The following DNAI2 variants were observed in gnomAD, a reference collection of about 807,000 sequenced individuals.
The protein encoded by DNAI2 is dynein, axonemal, intermediate polypeptide 2.
A neutral mutation model predicts 74.7 loss-of-function variants in DNAI2; 63 were observed. The observed-to-expected ratio is 0.84, with a 90% CI of 0.69 to 1.04. The LOEUF (loss-of-function observed/expected upper bound fraction) is 1.04, where lower values mean the gene tolerates loss of function less well. Ranked by LOEUF, DNAI2 falls within the 50% of genes least tolerant of loss-of-function variation. The pLI, the probability that DNAI2 is intolerant of heterozygous loss-of-function variation, is 0.00. For synonymous variants in DNAI2, 289 were observed against 314.9 expected (o/e 0.92, Z 0.87); for missense variants, 688 against 803.2 (o/e 0.86, Z 1.73).
At chr17:74,303,064 G>T (rs2052954869) in intron 8 of DNAI2, among the ~76,000 whole-genome samples, 1 of 152,218 alleles carries the variant, frequency 6.6e-6, no homozygotes, top group African/African-American at 2.4e-5. Flanking sequence ...CCCTTGCAGG[G>T]TGCACACTGT....
chr17:74,283,863 C>T (rs959747527), intron 2 of DNAI2, among the ~76,000 whole-genome samples: 2 of 151,970 alleles, frequency 1.3e-5, no homozygotes, highest in African/African-American at 2.4e-5. Flanking sequence ...ACTGGCCGGG[C>T]GCAGTGGCTC....
chr17:74,306,706 C>A (rs2053207883), intron 9 of DNAI2, among the ~76,000 whole-genome samples: 1 of 152,240 alleles, frequency 6.6e-6, no homozygotes, highest in Non-Finnish European at 1.5e-5. Context: ...CAACCTCCAC[C>A]TCCCGAGTTC....
At chr17:74,301,441 A>G (rs540926157) in intron 8 of DNAI2, among the ~76,000 whole-genome samples, 1 of 152,336 alleles carries the variant, frequency 6.6e-6, no homozygotes, top group East Asian at 1.9e-4. Flanking sequence ...ATCTTTTGAC[A>G]GAACAATTCC....
intron 6 of DNAI2, among the ~76,000 whole-genome samples, chr17:74,292,729 AATTT>A (rs1341701198): frequency 6.6e-6 from 1 of 151,060 alleles, no homozygotes; most frequent in Non-Finnish European, 1.5e-5. Flanking sequence ...AGTCTTTTAA[AATTT>A]ATTGAGACTT....
At chr17:74,295,478 G>A (rs915998841) in intron 6 of DNAI2, among the ~76,000 whole-genome samples, 2 of 152,104 alleles carry the variant, frequency 1.3e-5, no homozygotes, top group African/African-American at 4.8e-5. Context: ...CTTTTCTTTA[G>A]TTCTTTTGAT....
intron 6 of DNAI2, among the ~76,000 whole-genome samples, chr17:74,296,323 G>GAGAGAGAGAGAGGAGAGAC (rs1458724897): frequency 2.6e-5 from 2 of 76,376 alleles, no homozygotes; most frequent in Non-Finnish European, 8.5e-5. Flanking sequence ...GAGAGAGAGA[G>GAGAGAGAGAGAGGAGAGAC]AGAGAGAGAG....
intron 6 of DNAI2, among the ~76,000 whole-genome samples, chr17:74,294,331 A>G (rs527596155): frequency 7.0e-6 from 1 of 142,306 alleles, no homozygotes; most frequent in Non-Finnish European, 1.5e-5. Context: ...TTTTTTAGAG[A>G]CAAGGTCTCA....
At chr17:74,297,213 G>A (rs1338310157) in intron 6 of DNAI2, among the ~76,000 whole-genome samples, 2 of 151,848 alleles carry the variant, frequency 1.3e-5, no homozygotes, top group Non-Finnish European at 2.9e-5. Context: ...AGCCTCCCGA[G>A]TAGCTGGGAC....
At chr17:74,285,392 G>C (rs2051657258) in intron 3 of DNAI2, among the ~76,000 whole-genome samples, 191 bp downstream of exon 3, 1 of 152,128 alleles carries the variant, frequency 6.6e-6, no homozygotes, top group Non-Finnish European at 1.5e-5. Context: ...AGACCAACAG[G>C]GAAGGCAGGG....
Position 74,309,152 on chromosome 17 carries a change from G to A in DNAI2, c.1212-101G>A, listed in dbSNP as rs1476048797. ...GACACAAGGAAGAACTTCCTACCTA[G>A]CAAGACTCTGAGATCCTGGAGCCCA... On this transcript the variant is annotated intron_variant, in intron 9 of 13. Transcript: ENST00000311014. The A allele has an allele frequency of 1.0e-5, 14 of 1,350,332 alleles. No homozygotes were observed. In the East Asian group the frequency reaches 3.4e-4, roughly 33 times the overall value. 83.6% of individuals were successfully genotyped at this position (1,350,332 alleles called of 1,614,324 possible). A position where few individuals can be genotyped will look rare whatever the true frequency, so the allele number is the denominator to read the frequency against.
intron 9 of DNAI2, among the ~76,000 whole-genome samples, chr17:74,308,061 G>C (rs1037091821): frequency 6.6e-6 from 1 of 152,126 alleles, no homozygotes; most frequent in Non-Finnish European, 1.5e-5. Context: ...GCCTCCCAAA[G>C]TCCTGGGATG....
chr17:74,292,947 A>G (rs1013878189), intron 6 of DNAI2, among the ~76,000 whole-genome samples: 10 of 151,416 alleles, frequency 6.6e-5, no homozygotes, highest in African/African-American at 2.4e-4. Context: ...CTCCTGCCTC[A>G]GCCTTCCGAG....
intron 6 of DNAI2, among the ~76,000 whole-genome samples, chr17:74,297,703 T>TA: frequency 2.0e-5 from 3 of 151,708 alleles, no homozygotes; most frequent in East Asian, 3.9e-4. Flanking sequence ...TTTTTTTTTT[T>TA]AATCTCCAGT....
chr17:74,303,462 A>C (rs2052981787), intron 8 of DNAI2, among the ~76,000 whole-genome samples: 1 of 152,130 alleles, frequency 6.6e-6, no homozygotes, highest in African/African-American at 2.4e-5. Flanking sequence ...TTTTGTTGAG[A>C]CATCGTTTTG....
rs138711618 is a variant in DNAI2 at position 74,302,246 on chromosome 17, C to T, written c.987+1078C>T. Among the ~76,000 whole-genome samples the T allele has an allele frequency of 3.2e-4, 49 of 151,536 alleles. 1 individual carries two copies. In the East Asian group the frequency reaches 9.4e-3, roughly 29 times the overall value. On this transcript the variant is annotated intron_variant, in intron 8 of 13. Transcript: ENST00000311014. ...AGCAGTTCAAGACCAGCCTGGACAA[C>T]ATAGCAAGACACTGTCCCTACATAA...
rs555679845 is a variant in DNAI2, at chr17:74,292,987, G to A, written c.724+1854G>A. On this transcript the variant is annotated intron_variant, in intron 6 of 13. Coordinates refer to ENST00000311014, the MANE Select transcript of DNAI2 (RefSeq NM_023036.6). ...TGGGACTACAGGTGCCTGCCACCAC[G>A]CTGGGCTAATTTTTTGTATTTTTTT... Among the ~76,000 whole-genome samples the A allele has an allele frequency of 3.3e-5, 5 of 152,096 alleles. No individual in the cohort carries two copies. The East Asian group carries it at 5.8e-4, about 18-fold the overall frequency.
chr17:74,286,565 C>T lies in DNAI2; in HGVS notation c.346-412C>T, dbSNP rs375252019. 7.9e-4 allele frequency among the ~76,000 whole-genome samples: 120 copies of T among 151,950 alleles called. 4 individuals carry two copies. The South Asian group carries it at 0.022, about 28-fold the overall frequency. On this transcript the variant is annotated intron_variant, in intron 3 of 13. Coordinates refer to ENST00000311014, the MANE Select transcript of DNAI2 (RefSeq NM_023036.6). ...CCTCCCAAGTAGCTGGGATTACAGG[C>T]GGCTGCCACCATGCCCAGCTAATTT... is the stretch of plus-strand genomic sequence containing the variant.
intron 6 of DNAI2, among the ~76,000 whole-genome samples, chr17:74,298,682 A>C (rs749840684): frequency 2.0e-5 from 3 of 152,096 alleles, no homozygotes; most frequent in Non-Finnish European, 4.4e-5. Flanking sequence ...GGCTCACTGC[A>C]GCCTCAACCT....
At chr17:74,314,350 C>G (rs1332527757) in intron 13 of DNAI2, 79 bp downstream of exon 13, 2 of 1,551,412 alleles carry the variant, frequency 1.3e-6, no homozygotes, top group Non-Finnish European at 8.8e-7. Flanking sequence ...AGCATCGGGC[C>G]CTGACTCCCC....
Sources: gnomAD v4.1 joint callset for allele counts (sites outside exome capture counted in the v4.1 genomes callset) on GRCh38, gnomAD v4.1.1 for gene constraint, MANE v1.5 for transcripts, NCBI Gene and HGNC (gene_info 2026-07-23, HGNC 2026-07-21) for gene names.